Variants in CACNA2D1 observed in about 807,000 individuals in gnomAD.
The protein encoded by CACNA2D1 is calcium voltage-gated channel auxiliary subunit alpha2delta 1, also known as voltage-dependent calcium channel subunit alpha-2/delta-1.
In CACNA2D1, 53 loss-of-function variants were observed where a neutral mutation model predicts 171.5. That is an observed-to-expected ratio of 0.31 (90% confidence interval 0.25 to 0.39). The LOEUF is 0.39. Ranked by LOEUF, CACNA2D1 falls within the 10% of genes least tolerant of loss-of-function variation. The pLI, the probability that CACNA2D1 is intolerant of heterozygous loss-of-function variation, is 1.00. For synonymous variants in CACNA2D1, 442 were observed against 443.1 expected (o/e 1.00, Z 0.03); for missense variants, 903 against 1,299.8 (o/e 0.69, Z 4.69).
chr7:82,367,918 A>C (rs1821928230), intron 1 of CACNA2D1, among the ~76,000 whole-genome samples: 1 of 152,164 alleles, frequency 6.6e-6, no homozygotes, highest in African/African-American at 2.4e-5. Flanking sequence ...TATTTGCAAT[A>C]TCTGAATTTG....
chr7:82,041,189 T>C (rs1296786620), intron 10 of CACNA2D1, among the ~76,000 whole-genome samples: 3 of 151,934 alleles, frequency 2.0e-5, no homozygotes, highest in Non-Finnish European at 2.9e-5. Flanking sequence ...GAAAAGTCTA[T>C]TTTAAAGCTA....
intron 7 of CACNA2D1, among the ~76,000 whole-genome samples, chr7:82,080,401 G>A (rs1416886984): frequency 6.6e-6 from 1 of 152,012 alleles, no homozygotes; most frequent in Non-Finnish European, 1.5e-5. Context: ...CTATATATCT[G>A]GACGAATAGG....
intron 25 of CACNA2D1, 77 bp downstream of exon 25, chr7:81,974,378 G>A: frequency 1.4e-6 from 1 of 735,542 alleles, no homozygotes; most frequent in Non-Finnish European, 2.4e-6. Context: ...AAAGTAATAT[G>A]ATTATCGTAT....
chr7:81,952,629 CTTGT>C (rs1477692584), intron 38 of CACNA2D1, among the ~76,000 whole-genome samples: 9 of 152,010 alleles, frequency 5.9e-5, no homozygotes, highest in African/African-American at 1.7e-4. Context: ...TTTCTTGAAA[CTTGT>C]TTGTGTCTCT....
chr7:82,187,707 T>C (rs955689831), intron 3 of CACNA2D1, among the ~76,000 whole-genome samples: 11 of 152,194 alleles, frequency 7.2e-5, no homozygotes, highest in African/African-American at 2.7e-4. Flanking sequence ...TTTCTATATG[T>C]AGAGTTTGAC....
At chr7:82,353,910 C>T (rs1820131905) in intron 1 of CACNA2D1, among the ~76,000 whole-genome samples, 1 of 151,934 alleles carries the variant, frequency 6.6e-6, no homozygotes, top group African/African-American at 2.4e-5. Context: ...AAATGCCACC[C>T]CCAAATAGGG....
chr7:82,285,306 T>C (rs1471364094), intron 3 of CACNA2D1, among the ~76,000 whole-genome samples: 1 of 151,964 alleles, frequency 6.6e-6, no homozygotes, highest in South Asian at 2.1e-4. Flanking sequence ...GTCATATCTT[T>C]CCTCAATCAG....
At chr7:82,279,067 T>A (rs995733844) in intron 3 of CACNA2D1, among the ~76,000 whole-genome samples, 1 of 152,188 alleles carries the variant, frequency 6.6e-6, no homozygotes, top group African/African-American at 2.4e-5. Context: ...TGCAGAAAAG[T>A]CAGTGCCAAG....
intron 7 of CACNA2D1, among the ~76,000 whole-genome samples, chr7:82,066,737 T>C (rs976593172): frequency 1.3e-5 from 2 of 152,132 alleles, no homozygotes; most frequent in African/African-American, 4.8e-5. Context: ...TAGTCGATTC[T>C]CTTTTTACGA....
At chr7:82,133,810 C>T (rs138428075) in intron 5 of CACNA2D1, among the ~76,000 whole-genome samples, 21 of 152,250 alleles carry the variant, frequency 1.4e-4, no homozygotes, top group East Asian at 3.9e-4. Context: ...CGGTGGCTCA[C>T]GCCTGTAATC....
At chr7:82,120,874 C>CAA (rs749679830) in intron 5 of CACNA2D1, among the ~76,000 whole-genome samples, 28,214 of 104,074 alleles carry the variant, frequency 0.27, 3,925 homozygotes, top group East Asian at 0.39. Context: ...GACTCTATCT[C>CAA]AAAAAAAAAA....
intron 3 of CACNA2D1, among the ~76,000 whole-genome samples, chr7:82,227,240 A>T (rs1008010415): frequency 7.2e-5 from 11 of 152,244 alleles, no homozygotes; most frequent in African/African-American, 2.7e-4. Context: ...AAGGTTGGGA[A>T]GACTTGAAAA....
chr7:82,385,675 G>C (rs1002097832), intron 1 of CACNA2D1, among the ~76,000 whole-genome samples: 2 of 146,192 alleles, frequency 1.4e-5, no homozygotes, highest in South Asian at 4.3e-4. Context: ...GTTTTGTTTT[G>C]TTTTTTTGAG....
chr7:82,405,740 C>T (rs899224914), intron 1 of CACNA2D1, among the ~76,000 whole-genome samples: 12 of 152,236 alleles, frequency 7.9e-5, no homozygotes, highest in Admixed American at 7.8e-4. Flanking sequence ...TCCAACCCAT[C>T]ATCAAAGTGT....
intron 1 of CACNA2D1, among the ~76,000 whole-genome samples, chr7:82,385,597 T>A (rs1412054965): frequency 1.3e-5 from 2 of 152,002 alleles, no homozygotes; most frequent in Non-Finnish European, 2.9e-5. Flanking sequence ...TACAGCCAGA[T>A]ACCACTTACA....
At chr7:82,305,778 T>A (rs1308709765) in intron 3 of CACNA2D1, among the ~76,000 whole-genome samples, 1 of 151,888 alleles carries the variant, frequency 6.6e-6, no homozygotes, top group African/African-American at 2.4e-5. Context: ...TTTCATCATA[T>A]CTATAGAGGG....
At position 82,060,414 on chromosome 7, in the gene CACNA2D1, C is replaced by A; in HGVS notation, c.879+14G>T. ...CAAATTTAATTCAGGAAAATGCAGT[C>A]ATCTTATACTTACTGAAGCTACATT... On this transcript the variant is annotated intron_variant, in intron 10 of 38. Transcript: ENST00000356860. 6.5e-7 allele frequency: 1 copy of A among 1,540,838 alleles called. No individual in the cohort carries two copies. Among genetic ancestry groups the A allele is most frequent in the South Asian group, 1.1e-5 (1 of 89,472 alleles).
chr7:82,109,607 A>T (rs1788133255), intron 6 of CACNA2D1, among the ~76,000 whole-genome samples: 1 of 152,224 alleles, frequency 6.6e-6, no homozygotes, highest in Non-Finnish European at 1.5e-5. Flanking sequence ...ATCAAATAAA[A>T]AAATATTTTT....
intron 3 of CACNA2D1, among the ~76,000 whole-genome samples, chr7:82,178,940 C>CA (rs1458170650): frequency 6.6e-6 from 1 of 152,032 alleles, no homozygotes; most frequent in Admixed American, 6.6e-5. Flanking sequence ...AATGTGGAAA[C>CA]AATCATTTCC....
Sources: allele counts gnomAD v4.1 joint callset (sites outside exome capture counted in the v4.1 genomes callset), GRCh38; gene constraint gnomAD v4.1.1; transcripts MANE v1.5; gene names NCBI Gene and HGNC (gene_info 2026-07-23, HGNC 2026-07-21).